GALC: variants seen among roughly 807,000 people sequenced by gnomAD.
GALC encodes galactosylceramidase.
In GALC, 77 loss-of-function variants were observed where a neutral mutation model predicts 91.8. The ratio of observed to expected loss-of-function variants is 0.84; its 90% confidence interval spans 0.70 to 1.01. GALC has a LOEUF of 1.01. Among genes scored for constraint, GALC ranks in the 50% least tolerant of loss-of-function variants. The probability of loss-of-function intolerance (pLI) is 0.00; values close to 1 mark genes in which losing one functional copy is unlikely to be tolerated. For synonymous variants in GALC, 357 were observed against 306.7 expected (o/e 1.16, Z -1.71); for missense variants, 882 against 855.9 (o/e 1.03, Z -0.38).
intron 3 of GALC, chr14:87,987,775 A>G (rs1887034303): frequency 5.9e-6 from 1 of 169,520 alleles, no homozygotes; most frequent in African/African-American, 2.4e-5. Flanking sequence ...TTTACCACAT[A>G]TTTTAAGTTA....
intron 3 of GALC, chr14:87,987,777 TTTAAG>T (rs1294772671): frequency 5.9e-6 from 1 of 170,294 alleles, no homozygotes; most frequent in African/African-American, 2.4e-5. Context: ...TACCACATAT[TTTAAG>T]TTAATAACAC....
At chr14:87,990,245 T>C (rs1385158463) in intron 1 of GALC, among the ~76,000 whole-genome samples, 1 of 152,254 alleles carries the variant, frequency 6.6e-6, no homozygotes, top group Non-Finnish European at 1.5e-5. Context: ...TAAACACTTA[T>C]TAAATATTTT....
intron 7 of GALC, among the ~76,000 whole-genome samples, chr14:87,974,057 A>G (rs1886398987): frequency 1.3e-5 from 2 of 152,226 alleles, no homozygotes. Context: ...CATGGATAGT[A>G]TAAATCATTC....
chr14:87,986,985 T>C, intron 3 of GALC: 1 of 447,784 alleles, frequency 2.2e-6, no homozygotes, highest in Non-Finnish European at 4.4e-6. Flanking sequence ...TTTCAGCTTT[T>C]CAACGCTGGA....
chr14:87,978,605 T>C (rs986862700), intron 6 of GALC, among the ~76,000 whole-genome samples: 11 of 152,356 alleles, frequency 7.2e-5, no homozygotes, highest in African/African-American at 2.6e-4. Flanking sequence ...GATTATGTTT[T>C]TGTTTTGGAA....
chr14:87,944,494 G>T (rs1197114148), intron 14 of GALC, among the ~76,000 whole-genome samples: 2 of 151,928 alleles, frequency 1.3e-5, no homozygotes, highest in African/African-American at 4.8e-5. Context: ...ACCATAACTG[G>T]AAAATCTAGG....
At chr14:87,961,687 A>G (rs1335709764) in intron 10 of GALC, among the ~76,000 whole-genome samples, 1 of 152,014 alleles carries the variant, frequency 6.6e-6, no homozygotes, top group Non-Finnish European at 1.5e-5. Flanking sequence ...TGCTCTCCCT[A>G]TTTTCCTTAT....
chr14:87,985,348 G>A (rs1034231449), intron 4 of GALC, among the ~76,000 whole-genome samples: 1 of 152,206 alleles, frequency 6.6e-6, no homozygotes, highest in Admixed American at 6.5e-5. Context: ...GAACACCCAA[G>A]TGTATTACAT....
chr14:87,992,945 C>A (rs1196417155), intron 1 of GALC, 25 bp downstream of exon 1: 1 of 1,504,102 alleles, frequency 6.6e-7, no homozygotes, highest in Non-Finnish European at 8.8e-7. Context: ...CCGCCCCCCG[C>A]GTATCCCCGC....
upstream of GALC, chr14:87,993,252 C>T (rs1303297430): frequency 3.9e-6 from 6 of 1,540,724 alleles, no homozygotes; most frequent in African/African-American, 6.9e-5. Context: ...GATGCTGACG[C>T]CGCCGCCGCC....
At chr14:87,965,314 G>A (rs989886983) in intron 9 of GALC, among the ~76,000 whole-genome samples, 191 bp downstream of exon 9, 1 of 151,926 alleles carries the variant, frequency 6.6e-6, no homozygotes, top group Non-Finnish European at 1.5e-5. Context: ...TAAAAGCCTG[G>A]TCTTAGAATA....
intron 6 of GALC, among the ~76,000 whole-genome samples, chr14:87,979,476 T>G (rs904155982): frequency 1.3e-5 from 2 of 152,246 alleles, no homozygotes; most frequent in African/African-American, 2.4e-5. Context: ...AAGTCTGAAC[T>G]GTCTGAAACA....
chr14:87,979,274 G>T (rs1439312458), intron 6 of GALC, among the ~76,000 whole-genome samples: 1 of 152,088 alleles, frequency 6.6e-6, no homozygotes, highest in African/African-American at 2.4e-5. Context: ...TGATCCACCT[G>T]CCTCAGCCTC....
chr14:87,964,559 C>T (rs1290060919), intron 9 of GALC, among the ~76,000 whole-genome samples: 1 of 152,108 alleles, frequency 6.6e-6, no homozygotes, highest in Non-Finnish European at 1.5e-5. Flanking sequence ...ATTATCTCCT[C>T]ATGAAAAAGT....
At position 87,976,297 on chromosome 14, in the gene GALC, T is replaced by TA. The variant is rs542957013; in HGVS notation, c.752+60dup. On this transcript the variant is annotated intron_variant, in intron 7 of 16. Coordinates refer to ENST00000261304, the MANE Select transcript of GALC (RefSeq NM_000153.4). ...AAATGGGGAGAAGGCAAGAAAAAGA[T>TA]AGTCAATACACAGAGCAAGCAATCA... 139 of 1,587,540 alleles carry TA rather than the reference T, an allele frequency of 8.8e-5. 2 individuals are homozygous for TA. In the East Asian group the frequency reaches 1.8e-3, roughly 21 times the overall value.
chr14:87,976,524 C>T, intron 6 of GALC, 36 bp from the exon 7 acceptor site: 1 of 1,565,446 alleles, frequency 6.4e-7, no homozygotes, highest in Non-Finnish European at 8.8e-7. Flanking sequence ...TGAAAGGATA[C>T]AAATGAATTT....
intron 7 of GALC, among the ~76,000 whole-genome samples, chr14:87,973,198 C>G (rs1886366189): frequency 6.6e-6 from 1 of 152,074 alleles, no homozygotes; most frequent in South Asian, 2.1e-4. Flanking sequence ...CATAGATAAA[C>G]ATCAACAAAC....
chr14:87,951,202 A>G (rs1885295916), intron 10 of GALC, among the ~76,000 whole-genome samples: 2 of 151,824 alleles, frequency 1.3e-5, no homozygotes, highest in Non-Finnish European at 2.9e-5. Flanking sequence ...TATCAAATAC[A>G]CACTAAGGTC....
At chr14:87,974,174 A>C (rs550739896) in intron 7 of GALC, among the ~76,000 whole-genome samples, 2 of 152,294 alleles carry the variant, frequency 1.3e-5, no homozygotes, top group African/African-American at 4.8e-5. Flanking sequence ...GGAACTTTAA[A>C]AAAGCAAAAT....
Sources: gnomAD v4.1 joint callset for allele counts (sites outside exome capture counted in the v4.1 genomes callset) on GRCh38, gnomAD v4.1.1 for gene constraint, MANE v1.5 for transcripts, NCBI Gene and HGNC (gene_info 2026-07-23, HGNC 2026-07-21) for gene names.